The following PEX5 variants were observed in gnomAD, a reference collection of about 807,000 sequenced individuals.
PEX5 encodes the protein PTS1 receptor.
Under a neutral mutation model 82.9 loss-of-function variants are expected in PEX5, and 52 were observed. The observed-to-expected ratio is 0.63, with a 90% CI of 0.50 to 0.79. The LOEUF is 0.79. Among genes scored for constraint, PEX5 ranks in the 30% least tolerant of loss-of-function variants. The pLI, the probability that PEX5 is intolerant of heterozygous loss-of-function variation, is 0.00. For missense variants in PEX5, 719 were observed against 815.2 expected (o/e 0.88, Z 1.44); for synonymous variants, 300 against 318.8 (o/e 0.94, Z 0.63).
rs886049826 is a variant in PEX5, at chr12:7,202,236, C to T, written c.643-5C>T. 20 of 1,613,968 alleles carry T rather than the reference C, an allele frequency of 1.2e-5. No homozygotes were observed. The highest frequency in any genetic ancestry group is 1.4e-5 in the Non-Finnish European group (16 of 1,180,008). On this transcript the variant is annotated splice_polypyrimidine_tract_variant and splice_region_variant and intron_variant, in intron 7 of 15. Transcript: ENST00000675855. ...AAGTGGCCTGTGTGTGTCTCTGTGC[C>T]CCAGTTCCTGAAATTCGTGCGGCAG...
intron 10 of PEX5, among the ~76,000 whole-genome samples, chr12:7,203,943 CTG>C (rs1416406035): frequency 6.6e-6 from 1 of 151,896 alleles, no homozygotes; most frequent in Non-Finnish European, 1.5e-5. Context: ...ATCTTAATAT[CTG>C]TTTACTTTTT....
At chr12:7,193,090 C>G (rs1941449926) in intron 5 of PEX5, among the ~76,000 whole-genome samples, 1 of 152,180 alleles carries the variant, frequency 6.6e-6, no homozygotes. Context: ...ATTAGAACTT[C>G]ACAGTAACAG....
rs1359071852 is a variant in PEX5, at chr12:7,208,613, G to A, written c.1338G>A (p.Gly446=). The A allele has an allele frequency of 1.4e-5, 22 of 1,614,154 alleles. No individual in the cohort carries two copies. The highest frequency in any genetic ancestry group is 1.8e-5 in the Non-Finnish European group (21 of 1,180,042). The change falls in exon 13 of 16, where the codon GGG becomes GGA. Residue 446 remains glycine (G), a synonymous_variant. Transcript: ENST00000675855. The stretch of plus-strand genomic sequence containing the variant: ...ATCTGGTGACACCTGCTGAAGAAGG[G>A]GCTGGTGGGGCAGGACTGGGCCCCA... ...YAHLVTPAEE[G]AGGAGLGPSK...
rs1209091223 is a variant in PEX5, at chr12:7,198,890, CAG to C, written c.449-118_449-117del. ...GACCAGGGGTTTCTGAGGGAGTCAG[CAG>C]AGTTTTGTCTGCTTTGGTGTGGCTA... On this transcript the variant is annotated intron_variant, in intron 5 of 15. Coordinates refer to ENST00000675855, the MANE Select transcript of PEX5 (RefSeq NM_001351132.2). 1.7e-5 allele frequency: 11 copies of C among 646,494 alleles called. No homozygotes were observed. The African/African-American group carries it at 2.0e-4, about 12-fold the overall frequency. The allele number at this position is 646,494 out of a possible 1,614,324, so 40.0% of individuals were successfully genotyped here.
intron 15 of PEX5, 42 bp downstream of exon 15, chr12:7,209,882 C>T (rs1464005497): frequency 5.0e-6 from 8 of 1,612,354 alleles, no homozygotes; most frequent in Non-Finnish European, 6.8e-6. Flanking sequence ...AGCTTTTTCT[C>T]CCTGCCTTTG....
chr12:7,197,241 AT>A (rs1213414134), intron 5 of PEX5, among the ~76,000 whole-genome samples: 1 of 23,558 alleles, frequency 4.2e-5, no homozygotes, highest in African/African-American at 1.0e-4. Flanking sequence ...ATATGTAATA[AT>A]TATATGTCAT....
rs1565673352 is a variant in PEX5, at chr12:7,191,613, G to T, written c.361G>T (p.Glu121Ter). 6.2e-7 allele frequency: 1 copy of T among 1,613,984 alleles called. No homozygotes were observed. Among genetic ancestry groups the T allele is most frequent in the Non-Finnish European group, 8.5e-7 (1 of 1,179,850 alleles). Residue 121 changes from glutamate to a stop codon, truncating the protein, a stop_gained, in exon 5 of 16, where the codon GAG becomes TAG. Transcript: ENST00000675855. LOFTEE classifies it high-confidence loss of function. ...GGCCTTGTCTGAGAACTGGGCCCAG[G>T]AGTTTCTTGCAGCTGGAGATGCTGT... ...DLALSENWAQ[E>*]FLAAGDAVDV...
intron 17 of PEX5, among the ~76,000 whole-genome samples, chr12:7,217,985 A>G (rs188478166): frequency 3.3e-5 from 5 of 152,294 alleles, no homozygotes; most frequent in African/African-American, 1.2e-4. Flanking sequence ...TGGGATGGCA[A>G]CTTCAGGGAG....
chr12:7,218,574 A>G (rs1945844665), downstream of PEX5: 1 of 152,238 alleles, frequency 6.6e-6, no homozygotes. Context: ...CACATATTAA[A>G]TGGCGGCCTT....
Position 7,208,529 on chromosome 12 carries a change from G to T in PEX5, c.1254G>T (p.Leu418=), listed in dbSNP as rs989783550. Residue 418 remains leucine (L), a synonymous_variant, in exon 13 of 16, where the codon CTG becomes CTT. Coordinates refer to ENST00000675855, the MANE Select transcript of PEX5 (RefSeq NM_001351132.2). ...ALAVSFTNES[L]QRQACETLRD... Reference sequence around the variant, plus strand: ...CTGTGAGCTTCACCAACGAGTCCCTGCAGCGACAGGCCTGTGAAACCCTAC... The same window carrying T: ...CTGTGAGCTTCACCAACGAGTCCCTTCAGCGACAGGCCTGTGAAACCCTAC... The T allele has an allele frequency of 1.2e-6, 2 of 1,614,134 alleles. No homozygotes were observed. Among genetic ancestry groups the T allele is most frequent in the African/African-American group, 2.7e-5 (2 of 75,044 alleles).
In PEX5 at chr12:7,198,732, GTT is replaced by G. The variant is rs1943193248; in HGVS notation, c.449-277_449-276del. Among the ~76,000 whole-genome samples, 3 of 152,310 alleles carry G rather than the reference GTT, an allele frequency of 2.0e-5. No individual in the cohort carries two copies. In the South Asian group the frequency reaches 6.2e-4, roughly 32 times the overall value. On this transcript the variant is annotated intron_variant, in intron 5 of 15. Coordinates refer to ENST00000675855, the MANE Select transcript of PEX5 (RefSeq NM_001351132.2). ...AATATCTTGCACTTCAAGAAAAAGA[GTT>G]TGGTTCTTAATCCTTTCCTGAGATT... is the stretch of plus-strand genomic sequence containing the variant.
chr12:7,213,289 A>T (rs1418105704), downstream of PEX5, among the ~76,000 whole-genome samples: 2 of 152,184 alleles, frequency 1.3e-5, no homozygotes, highest in East Asian at 3.9e-4. Context: ...AGCCAAAAGA[A>T]CAAAGCTGGA....
chr12:7,190,506 A>G lies in PEX5; in HGVS notation c.129A>G (p.Gly43=), dbSNP rs932238098. 27 of 1,612,956 alleles carry G rather than the reference A, an allele frequency of 1.7e-5. No homozygotes were observed. The African/African-American group carries it at 3.6e-4, about 22-fold the overall frequency. The change falls in exon 2 of 16, where the codon GGA becomes GGG. Residue 43 remains glycine, a synonymous_variant. Transcript: ENST00000675855. Reference sequence around the variant, plus strand: ...TGAGGCCTGGCCCCTGGCCCCCCGGAGCCCCGGCCTCTGAGGCAGTGAGTG... The same window carrying G: ...TGAGGCCTGGCCCCTGGCCCCCCGGGGCCCCGGCCTCTGAGGCAGTGAGTG... ...EGLRPGPWPP[G]APASEAASKP... is the part of the protein sequence containing the mutation.
chr12:7,214,615 T>A (rs1192129494), downstream of PEX5, among the ~76,000 whole-genome samples: 2 of 148,646 alleles, frequency 1.3e-5, no homozygotes, highest in African/African-American at 2.5e-5. Flanking sequence ...TACCTAATGC[T>A]AAATGACGAG....
At chr12:7,213,039 AAGG>A (rs1253394328), downstream of PEX5, among the ~76,000 whole-genome samples, 2 of 152,158 alleles carry the variant, frequency 1.3e-5, no homozygotes, top group South Asian at 2.1e-4. Flanking sequence ...GGACCTCTTC[AAGG>A]AGAACTACAA....
downstream of PEX5, among the ~76,000 whole-genome samples, chr12:7,214,116 C>T (rs1945708611): frequency 6.6e-6 from 1 of 152,166 alleles, no homozygotes; most frequent in Non-Finnish European, 1.5e-5. Context: ...CACTTTTACA[C>T]TGTTGGTGGG....
chr12:7,202,411 T>TTCAGTGG, intron 8 of PEX5, 60 bp downstream of exon 8: 7 of 1,598,678 alleles, frequency 4.4e-6, no homozygotes, highest in Non-Finnish European at 6.0e-6. Context: ...AGGCCATGGG[T>TTCAGTGG]TCAGTGGTCA....
Position 7,202,302 on chromosome 12 carries a change from C to G in PEX5, c.704C>G (p.Ser235Trp). The change falls in exon 8 of 16, where the codon TCG becomes TGG. Residue 235 changes from serine to tryptophan, a missense_variant. Physicochemically the swap from Ser to Trp is radical, Grantham distance 177 (BLOSUM62 -3). Coordinates refer to ENST00000675855, the MANE Select transcript of PEX5 (RefSeq NM_001351132.2). ...GQVSLESGAG[S>W]GRAQAEQWAA... ...GTGTCCCTGGAGTCCGGTGCAGGGTCGGGCCGAGCTCAGGCAGAACAGTGG... is the reference window on the plus strand; with the variant it reads ...GTGTCCCTGGAGTCCGGTGCAGGGTGGGGCCGAGCTCAGGCAGAACAGTGG... 6.2e-7 allele frequency: 1 copy of G among 1,614,012 alleles called. No homozygotes were observed. The highest frequency in any genetic ancestry group is 1.6e-4 in the Middle Eastern group (1 of 6,062).
At chr12:7,203,830 G>A (rs1450428714) in intron 10 of PEX5, among the ~76,000 whole-genome samples, 4 of 152,236 alleles carry the variant, frequency 2.6e-5, no homozygotes, top group Non-Finnish European at 4.4e-5. Flanking sequence ...TAAAAGCACA[G>A]AGGAAGTAGC....
Sources: allele counts gnomAD v4.1 joint callset (sites outside exome capture counted in the v4.1 genomes callset), GRCh38; gene constraint gnomAD v4.1.1; transcripts MANE v1.5; gene names NCBI Gene and HGNC (gene_info 2026-07-23, HGNC 2026-07-21).